The following CNTN5 variants were observed in gnomAD, a reference collection of about 807,000 sequenced individuals.
CNTN5 encodes the protein contactin-5.
A neutral mutation model predicts 129.1 loss-of-function variants in CNTN5; 77 were observed. The ratio of observed to expected loss-of-function variants is 0.60; its 90% CI spans 0.50 to 0.72. CNTN5 has a LOEUF of 0.72. Ranked by LOEUF, CNTN5 falls within the 30% of genes least tolerant of loss-of-function variation. The pLI, the probability that CNTN5 is intolerant of heterozygous loss-of-function variation, is 0.00. For missense variants in CNTN5, 1,478 were observed against 1,328.8 expected (o/e 1.11, Z -1.75); for synonymous variants, 509 against 465.6 (o/e 1.09, Z -1.20).
At chr11:99,671,719 T>C (rs1953052732) in intron 3 of CNTN5, among the ~76,000 whole-genome samples, 2 of 152,204 alleles carry the variant, frequency 1.3e-5, no homozygotes, top group Non-Finnish European at 2.9e-5. Flanking sequence ...CACAAAATTC[T>C]TCAGAATTAA....
At chr11:100,232,405 ACATAT>A (rs1171861708) in intron 16 of CNTN5, among the ~76,000 whole-genome samples, 1 of 152,188 alleles carries the variant, frequency 6.6e-6, no homozygotes, top group Non-Finnish European at 1.5e-5. Flanking sequence ...GAACCAATTC[ACATAT>A]CAGTGAATTA....
At chr11:99,359,708 T>C (rs1339419523) in intron 2 of CNTN5, among the ~76,000 whole-genome samples, 1 of 152,062 alleles carries the variant, frequency 6.6e-6, no homozygotes, top group Non-Finnish European at 1.5e-5. Flanking sequence ...AAATCAGATA[T>C]GCATGAGTCT....
At chr11:100,118,241 G>T (rs1435443375) in intron 13 of CNTN5, among the ~76,000 whole-genome samples, 2 of 151,798 alleles carry the variant, frequency 1.3e-5, no homozygotes, top group Non-Finnish European at 2.9e-5. Context: ...AATGTACACT[G>T]TTGGGGTAGT....
chr11:100,302,178 G>A (rs545168614), intron 20 of CNTN5, among the ~76,000 whole-genome samples: 13 of 151,508 alleles, frequency 8.6e-5, no homozygotes, highest in South Asian at 2.1e-4. Flanking sequence ...TAGTCACTTC[G>A]CAATTTGCTT....
intron 1 of CNTN5, among the ~76,000 whole-genome samples, chr11:99,114,249 T>G (rs147940910): frequency 0.012 from 1,846 of 152,264 alleles, 12 homozygotes; most frequent in Non-Finnish European, 0.019. Context: ...GGAAGTGCTC[T>G]GCTAAAATTG....
At chr11:99,494,634 C>G (rs1392803077) in intron 2 of CNTN5, among the ~76,000 whole-genome samples, 1 of 152,128 alleles carries the variant, frequency 6.6e-6, no homozygotes. Context: ...GCTATTAGCC[C>G]TGGACAGTCT....
chr11:99,994,481 T>G (rs4418773), intron 8 of CNTN5, among the ~76,000 whole-genome samples: 57,413 of 151,980 alleles, frequency 0.38, 12,347 homozygotes, highest in African/African-American at 0.59. Flanking sequence ...GACAATTTAC[T>G]AGAAATAATT....
Position 100,303,527 on chromosome 11 carries a change from A to G in CNTN5, c.2620+4131A>G, listed in dbSNP as rs561022207. Reference sequence around the variant, plus strand: ...AGAAAAACAGAAGAAAAATTGATACAGTTAATTATAGGTTGAAAGATTTAT... The same window carrying G: ...AGAAAAACAGAAGAAAAATTGATACGGTTAATTATAGGTTGAAAGATTTAT... On this transcript the variant is annotated intron_variant, in intron 20 of 24. Coordinates refer to ENST00000524871, the MANE Select transcript of CNTN5 (RefSeq NM_014361.4). Among the ~76,000 whole-genome samples the G allele has an allele frequency of 9.3e-5, 14 of 150,862 alleles. No individual in the cohort carries two copies. In the South Asian group the frequency reaches 2.3e-3, roughly 25 times the overall value.
At chr11:100,018,428 G>C (rs534448823) in intron 9 of CNTN5, among the ~76,000 whole-genome samples, 1 of 151,862 alleles carries the variant, frequency 6.6e-6, no homozygotes, top group African/African-American at 2.4e-5. Flanking sequence ...TTTTGACCGA[G>C]AGTGGGAGAG....
chr11:99,463,524 T>G (rs1305583186), intron 2 of CNTN5, among the ~76,000 whole-genome samples: 1 of 149,966 alleles, frequency 6.7e-6, no homozygotes, highest in East Asian at 1.9e-4. Flanking sequence ...ACTTAAAAAA[T>G]GTCTGCTATT....
At chr11:100,070,336 A>C in intron 10 of CNTN5, 88 bp from the exon 11 acceptor site, 1 of 1,361,396 alleles carries the variant, frequency 7.3e-7, no homozygotes, top group South Asian at 1.4e-5. Context: ...TTTTAAAAAA[A>C]TACGTTGAAT....
chr11:99,127,912 GCTAA>G (rs913166107), intron 1 of CNTN5, among the ~76,000 whole-genome samples: 2 of 152,118 alleles, frequency 1.3e-5, no homozygotes, highest in African/African-American at 4.8e-5. Flanking sequence ...CTTTTTTAGG[GCTAA>G]CTTTCTTCAG....
intron 13 of CNTN5, among the ~76,000 whole-genome samples, chr11:100,092,811 G>T (rs73563108): frequency 0.019 from 2,816 of 152,064 alleles, 100 homozygotes; most frequent in African/African-American, 0.066. Context: ...GCTTGCACCT[G>T]TGCACCTGGT....
intron 6 of CNTN5, among the ~76,000 whole-genome samples, chr11:99,912,195 AAAGG>A (rs1357188234): frequency 6.6e-6 from 1 of 151,974 alleles, no homozygotes; most frequent in Non-Finnish European, 1.5e-5. Context: ...AGGGAAGAAA[AAAGG>A]AAGGAAATAA....
At chr11:99,220,551 A>C (rs1434402358) in intron 1 of CNTN5, among the ~76,000 whole-genome samples, 1 of 151,948 alleles carries the variant, frequency 6.6e-6, no homozygotes, top group Admixed American at 6.6e-5. Context: ...TGCAAGATCA[A>C]AAATCACGAT....
intron 18 of CNTN5, among the ~76,000 whole-genome samples, chr11:100,292,354 G>A (rs1347620044): frequency 6.6e-6 from 1 of 151,998 alleles, no homozygotes; most frequent in African/African-American, 2.4e-5. Flanking sequence ...GCCTTATTGG[G>A]TGTGATCCTA....
chr11:99,707,357 AAAT>A (rs1954800412), intron 3 of CNTN5, among the ~76,000 whole-genome samples: 1 of 151,596 alleles, frequency 6.6e-6, no homozygotes, highest in Non-Finnish European at 1.5e-5. Flanking sequence ...TAACCTAAAA[AAAT>A]AATAATTAAC....
chr11:99,346,948 A>T lies in CNTN5; in HGVS notation c.-71+21464A>T, dbSNP rs142477741. 5.5e-3 allele frequency among the ~76,000 whole-genome samples: 845 copies of T among 152,318 alleles called. 10 individuals are homozygous for T. The highest frequency in any genetic ancestry group is 0.02 in the African/African-American group (814 of 41,568). On this transcript the variant is annotated intron_variant, in intron 2 of 24. Transcript: ENST00000524871. ...GAAATAACTATTTGTTATAGAAGCT[A>T]CCCACCCTATGATATTTTGTTATAG...
rs183124618 is a variant in CNTN5, at chr11:100,166,254, A to C, written c.1581-24872A>C. Among the ~76,000 whole-genome samples the C allele has an allele frequency of 1.4e-3, 214 of 151,890 alleles. 2 individuals carry two copies. Among genetic ancestry groups the C allele is most frequent in the East Asian group, 7.0e-3 (36 of 5,132 alleles). On this transcript the variant is annotated intron_variant, in intron 13 of 24. Transcript: ENST00000524871. ...TCCAGAAGCAGTGCTCAAGATTTTG[A>C]ACCAATTAGAGATTTGGGCTTCATC...
Sources: allele counts gnomAD v4.1 joint callset (sites outside exome capture counted in the v4.1 genomes callset), GRCh38; gene constraint gnomAD v4.1.1; transcripts MANE v1.5; gene names NCBI Gene and HGNC (gene_info 2026-07-23, HGNC 2026-07-21).